WDR41: variants seen among roughly 807,000 people sequenced by gnomAD.
The protein encoded by WDR41 is WD repeat domain 41.
In WDR41, 63 loss-of-function variants were observed where a neutral mutation model predicts 69.3. That is an observed-to-expected ratio of 0.91 (90% CI 0.74 to 1.12). WDR41 has a LOEUF of 1.12. Ranked by LOEUF, WDR41 falls within the 50% of genes most tolerant of loss-of-function variation. The pLI, the probability that WDR41 is intolerant of heterozygous loss-of-function variation, is 0.00. For synonymous variants in WDR41, 185 were observed against 192.1 expected, an observed-to-expected ratio of 0.96 and a Z score of 0.31; for missense variants, 543 against 534.5, an observed-to-expected ratio of 1.02 and a Z score of -0.16.
At chr5:77,485,947 CA>C (rs1202930287) in intron 2 of WDR41, among the ~76,000 whole-genome samples, 1 of 149,648 alleles carries the variant, frequency 6.7e-6, no homozygotes, top group Non-Finnish European at 1.5e-5. Context: ...AACAGCTGAC[CA>C]AAAAAAACCC....
intron 1 of WDR41, among the ~76,000 whole-genome samples, chr5:77,490,875 A>G (rs1206784825): frequency 1.3e-5 from 2 of 152,240 alleles, no homozygotes; most frequent in East Asian, 3.8e-4. Flanking sequence ...AAAACAGACA[A>G]TACCGTCAAC....
At chr5:77,451,432 G>A (rs1581707382) in intron 6 of WDR41, 79 bp from the exon 7 acceptor site, 1 of 1,346,278 alleles carries the variant, frequency 7.4e-7, no homozygotes, top group Non-Finnish European at 1.1e-6. Context: ...TCAGTTTTAT[G>A]TCAGTCGTTT....
At chr5:77,577,147 A>G (rs2112283731) in intron 1 of WDR41, among the ~76,000 whole-genome samples, 1 of 152,266 alleles carries the variant, frequency 6.6e-6, no homozygotes, top group East Asian at 1.9e-4. Context: ...AGGGAAAAAA[A>G]TTGTGTTGGG....
intron 1 of WDR41, among the ~76,000 whole-genome samples, chr5:77,594,014 C>T (rs369476919): frequency 4.0e-5 from 6 of 151,736 alleles, no homozygotes; most frequent in East Asian, 3.9e-4. Context: ...GAGATAGATA[C>T]GTAGATAGAT....
intron 1 of WDR41, among the ~76,000 whole-genome samples, chr5:77,521,845 T>C (rs1802374847): frequency 6.6e-6 from 1 of 152,200 alleles, no homozygotes; most frequent in Non-Finnish European, 1.5e-5. Context: ...ACTATCTTTA[T>C]AAACTCGAAA....
chr5:77,488,869 C>A (rs537504744), intron 2 of WDR41, among the ~76,000 whole-genome samples: 1 of 152,240 alleles, frequency 6.6e-6, no homozygotes, highest in Admixed American at 6.5e-5. Flanking sequence ...AAAAGATATA[C>A]AGTTGAATAT....
chr5:77,605,761 C>A (rs1046318696), intron 1 of WDR41, among the ~76,000 whole-genome samples: 32 of 152,150 alleles, frequency 2.1e-4, no homozygotes, highest in African/African-American at 6.0e-4. Context: ...TTCCTTGGGC[C>A]TCCTGTCATT....
At position 77,574,210 on chromosome 5, in the gene WDR41, A is replaced by G. The variant is rs189318233; in HGVS notation, c.42+46269T>C. Among the ~76,000 whole-genome samples the G allele has an allele frequency of 4.9e-3, 740 of 152,234 alleles. 3 individuals are homozygous for G. The highest frequency in any genetic ancestry group is 0.017 in the African/African-American group (697 of 41,522). On this transcript the variant is annotated intron_variant, in intron 1 of 5. Transcript: ENST00000509971. Reference sequence around the variant, plus strand: ...CTACTCAGGAGGCTGAGGGAGGAGAATTGCTTGAACCCGGGAGGCGAAGGG... The same window carrying G: ...CTACTCAGGAGGCTGAGGGAGGAGAGTTGCTTGAACCCGGGAGGCGAAGGG...
intron 1 of WDR41, among the ~76,000 whole-genome samples, chr5:77,557,478 G>A (rs1437615217): frequency 6.6e-6 from 1 of 152,132 alleles, no homozygotes; most frequent in Non-Finnish European, 1.5e-5. Flanking sequence ...GTAACCAAAA[G>A]TATAAAAAGA....
intron 1 of WDR41, among the ~76,000 whole-genome samples, chr5:77,530,298 T>C (rs1004244255): frequency 1.3e-5 from 2 of 151,580 alleles, no homozygotes; most frequent in African/African-American, 4.8e-5. Context: ...TGAAAACATA[T>C]ATCCAGAAAA....
chr5:77,541,723 C>T (rs13189202), intron 1 of WDR41, among the ~76,000 whole-genome samples: 49,836 of 146,540 alleles, frequency 0.34, 8,270 homozygotes, highest in African/African-American at 0.39. Flanking sequence ...GAACTCCTGA[C>T]CTCAGGTGAT....
rs986158256 is a variant in WDR41 at position 77,489,526 on chromosome 5, T to A, written c.98A>T (p.Tyr33Phe). 1 of 1,608,726 alleles carries A rather than the reference T, an allele frequency of 6.2e-7. No individual in the cohort carries two copies. Among genetic ancestry groups the A allele is most frequent in the East Asian group, 2.2e-5 (1 of 44,684 alleles). ...TIGEEQTQNP[Y>F]TELLVLKAHH... Reference sequence around the variant, plus strand: ...AGCCTTCAGTACTAGCAGTTCAGTGTAGGGATTCTGGGTTTGTTCTTCACC... The same window carrying A: ...AGCCTTCAGTACTAGCAGTTCAGTGAAGGGATTCTGGGTTTGTTCTTCACC... Residue 33 changes from tyrosine to phenylalanine, a missense_variant, in exon 2 of 13, where the codon TAC (tyrosine) becomes TTC (phenylalanine). Transcript: ENST00000296679.
At chr5:77,493,813 C>G (rs1443787999), upstream of WDR41, among the ~76,000 whole-genome samples, 1 of 152,188 alleles carries the variant, frequency 6.6e-6, no homozygotes, top group Non-Finnish European at 1.5e-5. Flanking sequence ...TTCTGATTAT[C>G]CACATTCTTT....
chr5:77,516,643 G>A (rs948470777), intron 1 of WDR41, among the ~76,000 whole-genome samples: 1 of 152,140 alleles, frequency 6.6e-6, no homozygotes, highest in Non-Finnish European at 1.5e-5. Context: ...TATGACCCAA[G>A]ACAATAGCAC....
chr5:77,617,619 G>A (rs1412160236), intron 1 of WDR41, among the ~76,000 whole-genome samples: 2 of 152,072 alleles, frequency 1.3e-5, no homozygotes, highest in Non-Finnish European at 2.9e-5. Context: ...ATAAACAGAA[G>A]CAAAATGCAA....
Position 77,432,557 on chromosome 5 carries a change from C to G in WDR41, c.*578G>C, listed in dbSNP as rs1445694700. The G allele has an allele frequency of 3.9e-5, 6 of 152,232 alleles. No homozygotes were observed. The highest frequency in any genetic ancestry group is 1.4e-4 in the African/African-American group (6 of 41,440). The allele number at this position is 152,232 out of a possible 1,614,324, so 9.4% of individuals were successfully genotyped here. On this transcript the variant is annotated 3_prime_UTR_variant, in exon 13 of 13. Coordinates refer to ENST00000296679, the MANE Select transcript of WDR41 (RefSeq NM_018268.4). ...GGAAAAACACACCCTCACAAGATGCCTATCCATTTGAGTTCATACAGGTTT... is the reference window on the plus strand; with the variant it reads ...GGAAAAACACACCCTCACAAGATGCGTATCCATTTGAGTTCATACAGGTTT...
chr5:77,514,880 G>T (rs1313315032), intron 1 of WDR41, among the ~76,000 whole-genome samples: 1 of 152,132 alleles, frequency 6.6e-6, no homozygotes, highest in East Asian at 1.9e-4. Flanking sequence ...CAGTATGAAA[G>T]ATTTTTAAAA....
At chr5:77,614,809 T>TA (rs201093450) in intron 1 of WDR41, among the ~76,000 whole-genome samples, 26,916 of 147,592 alleles carry the variant, frequency 0.18, 2,506 homozygotes, top group East Asian at 0.23. Flanking sequence ...AATAATAAAA[T>TA]AAAAAAAAAG....
At chr5:77,556,005 A>T (rs1561223424) in intron 1 of WDR41, among the ~76,000 whole-genome samples, 1 of 152,156 alleles carries the variant, frequency 6.6e-6, no homozygotes, top group South Asian at 2.1e-4. Context: ...TTTGCACAGA[A>T]ATAGCAAAAA....
Sources: allele counts gnomAD v4.1 joint callset (sites outside exome capture counted in the v4.1 genomes callset), GRCh38; gene constraint gnomAD v4.1.1; transcripts MANE v1.5; gene names NCBI Gene and HGNC (gene_info 2026-07-23, HGNC 2026-07-21).